Variants in PER3 observed in about 807,000 individuals in gnomAD.
PER3 encodes the protein period circadian regulator 3.
Under a neutral mutation model 127.2 loss-of-function variants are expected in PER3, and 107 were observed. That is an observed-to-expected ratio of 0.84 (90% confidence interval 0.72 to 0.99). The LOEUF is 0.99. Ranked by LOEUF, PER3 falls within the 50% of genes least tolerant of loss-of-function variation. The pLI, the probability that PER3 is intolerant of heterozygous loss-of-function variation, is 0.00. For synonymous variants in PER3, 618 were observed against 585.8 expected (o/e 1.05, Z -0.79); for missense variants, 1,560 against 1,525.8 (o/e 1.02, Z -0.37).
chr1:7,821,152 T>A (rs2097274664), intron 16 of PER3, among the ~76,000 whole-genome samples: 1 of 152,272 alleles, frequency 6.6e-6, no homozygotes, highest in African/African-American at 2.4e-5. Context: ...TGTCTTCTTA[T>A]TCCTCTTTAT....
At chr1:7,834,903 A>G (rs2097350529) in intron 19 of PER3, among the ~76,000 whole-genome samples, 1 of 152,190 alleles carries the variant, frequency 6.6e-6, no homozygotes, top group African/African-American at 2.4e-5. Context: ...GTCAAATGCA[A>G]GATAGGAAAG....
chr1:7,795,100 G>T (rs370138371), intron 6 of PER3, among the ~76,000 whole-genome samples: 57 of 152,202 alleles, frequency 3.7e-4, no homozygotes, highest in Admixed American at 2.7e-3. Context: ...TGGATGCTTG[G>T]GGGGGACGGC....
At chr1:7,795,095 G>A (rs911947424) in intron 6 of PER3, among the ~76,000 whole-genome samples, 22 of 152,162 alleles carry the variant, frequency 1.4e-4, no homozygotes, top group African/African-American at 5.1e-4. Flanking sequence ...GGCTCTGGAT[G>A]CTTGGGGGGG....
chr1:7,829,933 GCCAGCGC>G lies in PER3; in HGVS notation c.2987_2993del (p.Ala996ValfsTer9). The G allele has an allele frequency of 7.8e-7, 1 of 1,279,300 alleles. No individual in the cohort carries two copies. Among genetic ancestry groups the G allele is most frequent in the Non-Finnish European group, 1.0e-6 (1 of 998,154 alleles). 79.2% of individuals were successfully genotyped at this position (1,279,300 alleles called of 1,614,324 possible). ...CAGGGAGAATCCATCCCATCCTACT[GCCAGCGC>G]TCTGTCCACAGGATCGCCTCCCATG... is the stretch of plus-strand genomic sequence containing the variant. On this transcript the variant is annotated frameshift_variant, in exon 19 of 22. Transcript: ENST00000377532. LOFTEE classifies it high-confidence loss of function.
chr1:7,790,291 A>G (rs2097113227), intron 5 of PER3, among the ~76,000 whole-genome samples: 1 of 152,238 alleles, frequency 6.6e-6, no homozygotes. Flanking sequence ...GAAACTTACA[A>G]TCATGGCAGA....
rs540838292 is a variant in PER3 at position 7,784,741 on chromosome 1, G to C, written c.-137G>C. Reference sequence around the variant, plus strand: ...GGAGATGAGCGTGACCCCCTGGCTCGTGGTGGCCGCCTGTTCTCACTAACG... The same window carrying C: ...GGAGATGAGCGTGACCCCCTGGCTCCTGGTGGCCGCCTGTTCTCACTAACG... On this transcript the variant is annotated 5_prime_UTR_variant, in exon 2 of 22. Transcript: ENST00000377532. 3 of 891,992 alleles carry C rather than the reference G, an allele frequency of 3.4e-6. No individual in the cohort carries two copies. The highest frequency in any genetic ancestry group is 3.6e-4 in the Middle Eastern group (1 of 2,806). The allele number at this position is 891,992 out of a possible 1,614,324, so 55.3% of individuals were successfully genotyped here. A position where few individuals can be genotyped will look rare whatever the true frequency, so the allele number is the denominator to read the frequency against.
At chr1:7,792,283 C>G (rs751261462) in intron 5 of PER3, among the ~76,000 whole-genome samples, 7 of 152,024 alleles carry the variant, frequency 4.6e-5, no homozygotes, top group Non-Finnish European at 8.8e-5. Flanking sequence ...CTTATAAAAC[C>G]ATGAGCTCTC....
chr1:7,842,075 A>G (rs772582739), intron 21 of PER3, among the ~76,000 whole-genome samples: 3 of 152,200 alleles, frequency 2.0e-5, no homozygotes, highest in Non-Finnish European at 4.4e-5. Context: ...TTGTGTATCT[A>G]AACATAGAAA....
At chr1:7,803,658 G>C (rs770249778) in intron 9 of PER3, 34 bp from the exon 10 acceptor site, 1 of 1,371,696 alleles carries the variant, frequency 7.3e-7, no homozygotes, top group South Asian at 1.2e-5. Flanking sequence ...TCTGTGTTAA[G>C]TAAATCCTAT....
rs956157987 is a variant in PER3 at position 7,844,917 on chromosome 1, C to T, written c.*2162C>T. ...TTTATATTATAGGCTTCAATGTTTT[C>T]ATGAATGTTACCCAAAAAGCTGTGT... On this transcript the variant is annotated 3_prime_UTR_variant, in exon 22 of 22. Transcript: ENST00000377532. 7.2e-5 allele frequency: 11 copies of T among 152,344 alleles called. 1 individual carries two copies. The highest frequency in any genetic ancestry group is 6.2e-4 in the South Asian group (3 of 4,834). The allele number at this position is 152,344 out of a possible 1,614,324, so 9.4% of individuals were successfully genotyped here.
At chr1:7,785,065 G>GA in intron 2 of PER3, 60 bp downstream of exon 2, 1 of 1,532,666 alleles carries the variant, frequency 6.5e-7, no homozygotes, top group South Asian at 1.2e-5. Flanking sequence ...CTGGAGCAGG[G>GA]AAAGGGGGAC....
At chr1:7,830,221 A>T (rs1183577582) in intron 19 of PER3, 60 bp downstream of exon 19, 1 of 1,433,804 alleles carries the variant, frequency 7.0e-7, no homozygotes, top group Admixed American at 1.7e-5. Flanking sequence ...CTATGTGCTG[A>T]GCTCTCACTG....
chr1:7,822,426 T>C (rs1359246871), intron 16 of PER3, among the ~76,000 whole-genome samples: 6 of 151,988 alleles, frequency 3.9e-5, no homozygotes, highest in Admixed American at 2.0e-4. Context: ...AGCTAATTTT[T>C]GTATTTTTAG....
intron 7 of PER3, among the ~76,000 whole-genome samples, chr1:7,799,926 G>A (rs1002198840): frequency 6.6e-6 from 1 of 151,648 alleles, no homozygotes; most frequent in Non-Finnish European, 1.5e-5. Context: ...GCACCATCAC[G>A]CCTGACTAAT....
At chr1:7,810,746 T>A in intron 13 of PER3, 158 bp downstream of exon 13, 1 of 546,740 alleles carries the variant, frequency 1.8e-6, no homozygotes, top group Non-Finnish European at 3.1e-6. Flanking sequence ...GCAATAGTAG[T>A]AATAATAATG....
chr1:7,819,954 G>T (rs1326157522), intron 14 of PER3, among the ~76,000 whole-genome samples, 161 bp from the exon 15 acceptor site: 1 of 152,078 alleles, frequency 6.6e-6, no homozygotes, highest in Non-Finnish European at 1.5e-5. Context: ...TAAAAGAAAT[G>T]TTACAATCCA....
intron 10 of PER3, among the ~76,000 whole-genome samples, chr1:7,808,232 CAAAAAAA>C (rs60220289): frequency 7.2e-5 from 7 of 97,724 alleles, no homozygotes; most frequent in Non-Finnish European, 1.3e-4. Flanking sequence ...GACTCTGTCT[CAAAAAAA>C]AAAAAAAAAA....
Position 7,830,127 on chromosome 1 carries a change from C to G in PER3, c.3180C>G (p.Ser1060Arg), listed in dbSNP as rs1422432359. 3.1e-6 allele frequency: 5 copies of G among 1,614,028 alleles called. No homozygotes were observed. The highest frequency in any genetic ancestry group is 4.2e-6 in the Non-Finnish European group (5 of 1,180,008). Residue 1060 changes from serine (S) to arginine (R), a missense_variant, in exon 19 of 22, where the codon AGC becomes AGG. Physicochemically the swap from Ser to Arg is moderately radical, Grantham distance 110. Around this residue, in one of 3 missense-constraint regions of PER3, gnomAD observed 199 missense variants for 198.6 expected, o/e 1.00. Transcript: ENST00000377532. ...TTCTGTCCACGGGGTCACCTCCCAG[C>G]GAATCCCCATCCAGAACTGGTTCAG... ...ATVLSTGSPP[S>R]ESPSRTGSAA...
At chr1:7,807,029 A>C (rs935160734) in intron 10 of PER3, among the ~76,000 whole-genome samples, 1 of 152,022 alleles carries the variant, frequency 6.6e-6, no homozygotes, top group Non-Finnish European at 1.5e-5. Context: ...TTCCCAGATC[A>C]ATCAACCATG....
Sources: allele counts gnomAD v4.1 joint callset (sites outside exome capture counted in the v4.1 genomes callset), GRCh38; gene constraint gnomAD v4.1.1; regional missense constraint gnomAD v4.1.1; transcripts MANE v1.5; gene names NCBI Gene and HGNC (gene_info 2026-07-23, HGNC 2026-07-21).